HMOX1: variants seen among roughly 807,000 people sequenced by gnomAD.
HMOX1 encodes heme oxygenase 1.
Under a neutral mutation model 27.8 loss-of-function variants are expected in HMOX1, and 22 were observed. The observed-to-expected ratio is 0.79, with a 90% confidence interval of 0.57 to 1.13. HMOX1 has a LOEUF of 1.13. Among genes scored for constraint, HMOX1 ranks in the 50% most tolerant of loss-of-function variants. HMOX1 has a pLI of 0.00. For missense variants in HMOX1, 379 were observed against 377.7 expected, an observed-to-expected ratio of 1.00 and a Z score of -0.03; for synonymous variants, 153 against 151.6, an observed-to-expected ratio of 1.01 and a Z score of -0.07.
chr22:35,382,610 G>A (rs1445618706), intron 1 of HMOX1, among the ~76,000 whole-genome samples: 25 of 149,234 alleles, frequency 1.7e-4, no homozygotes, highest in Admixed American at 1.5e-3. Context: ...TGATCTGCCC[G>A]CCTCAGCCTC....
intron 4 of HMOX1, chr22:35,390,168 C>G (rs1931677653): frequency 1.7e-6 from 1 of 605,960 alleles, no homozygotes; most frequent in African/African-American, 1.8e-5. Flanking sequence ...TCAAGCAATC[C>G]TCTTGCCTCT....
intron 1 of HMOX1, among the ~76,000 whole-genome samples, chr22:35,381,978 T>C (rs972420348): frequency 2.6e-5 from 4 of 152,166 alleles, no homozygotes; most frequent in African/African-American, 9.7e-5. Flanking sequence ...AGAAAGACTT[T>C]TTCTTTGACT....
intron 2 of HMOX1, 54 bp downstream of exon 2, chr22:35,383,280 A>T: frequency 6.2e-7 from 1 of 1,600,234 alleles, no homozygotes; most frequent in Non-Finnish European, 8.5e-7. Flanking sequence ...GTGTGGGTGG[A>T]CCCAAGGCTC....
intron 4 of HMOX1, among the ~76,000 whole-genome samples, chr22:35,391,028 GC>G (rs1328556425): frequency 6.6e-6 from 1 of 152,118 alleles, no homozygotes; most frequent in Non-Finnish European, 1.5e-5. Flanking sequence ...CTACCTCCTG[GC>G]AGGTTATATT....
intron 1 of HMOX1, among the ~76,000 whole-genome samples, chr22:35,381,775 T>C (rs1204161635): frequency 6.6e-6 from 1 of 151,934 alleles, no homozygotes; most frequent in Non-Finnish European, 1.5e-5. Context: ...TGTTAGTATT[T>C]TTTTTTTTAA....
Position 35,386,792 on chromosome 22 carries a change from C to CCG in HMOX1, c.254_255dup (p.Lys86AlafsTer31), listed in dbSNP as rs1569056068. 1 of 1,614,240 alleles carries CCG rather than the reference C, an allele frequency of 6.2e-7. No homozygotes were observed. On this transcript the variant is annotated frameshift_variant, in exon 3 of 5. Transcript: ENST00000216117. LOFTEE classifies it high-confidence loss of function. ...CTGTCTACTTCCCAGAAGAGCTGCA[C>CCG]CGCAAGGCTGCCCTGGAGCAGGACC...
intron 1 of HMOX1, chr22:35,381,466 A>T (rs993205308): frequency 9.5e-5 from 45 of 474,252 alleles, no homozygotes; most frequent in East Asian, 1.5e-4. Flanking sequence ...GAGGTAGCCA[A>T]TTTTTTTTTT....
Position 35,383,183 on chromosome 22 carries a change from T to A in HMOX1, c.101T>A (p.Met34Lys). 1 of 1,613,758 alleles carries A rather than the reference T, an allele frequency of 6.2e-7. No homozygotes were observed. Among genetic ancestry groups the A allele is most frequent in the Non-Finnish European group, 8.5e-7 (1 of 1,179,790 alleles). The change falls in exon 2 of 5, where the codon ATG becomes AAG. Residue 34 changes from methionine to lysine, a missense_variant. Met to Lys is a moderately conservative substitution (Grantham distance 95). Coordinates refer to ENST00000216117, the MANE Select transcript of HMOX1 (RefSeq NM_002133.3). ...VHTQAENAEFMRNFQKGQVTR... is the reference protein window; with the variant it reads ...VHTQAENAEFKRNFQKGQVTR... ...ACCCAGGCAGAGAATGCTGAGTTCA[T>A]GAGGAACTTTCAGAAGGGCCAGGTG...
At position 35,381,202 on chromosome 22, in the gene HMOX1, C is replaced by A. The variant is rs372733779; in HGVS notation, c.23+6C>A. The A allele has an allele frequency of 1.9e-6, 3 of 1,546,690 alleles. No individual in the cohort carries two copies. The highest frequency in any genetic ancestry group is 1.7e-4 in the Middle Eastern group (1 of 5,984). On this transcript the variant is annotated splice_donor_region_variant and intron_variant, in intron 1 of 4. Transcript: ENST00000216117. ...GAGCGTCCGCAACCCGACAGGCAAG[C>A]GCGGGGCGCGGGACGCGGGACGGGC...
chr22:35,393,604 G>A lies in HMOX1; in HGVS notation c.*6G>A. ...TAGGGCTTTATGCCATGTGAATGCA[G>A]GCATGCTGGCTCCCAGGGCCATGAA... On this transcript the variant is annotated 3_prime_UTR_variant, in exon 5 of 5. Coordinates refer to ENST00000216117, the MANE Select transcript of HMOX1 (RefSeq NM_002133.3). The A allele has an allele frequency of 6.2e-7, 1 of 1,614,126 alleles. No individual in the cohort carries two copies. The highest frequency in any genetic ancestry group is 8.5e-7 in the Non-Finnish European group (1 of 1,179,992).
At chr22:35,384,933 C>T (rs1255618835) in intron 2 of HMOX1, among the ~76,000 whole-genome samples, 2 of 151,606 alleles carry the variant, frequency 1.3e-5, no homozygotes, top group Non-Finnish European at 2.9e-5. Flanking sequence ...GAACCAGGTC[C>T]GTCACACTCA....
intron 4 of HMOX1, among the ~76,000 whole-genome samples, 172 bp from the exon 5 acceptor site, chr22:35,393,296 A>G (rs1353980347): frequency 6.6e-6 from 1 of 152,166 alleles, no homozygotes; most frequent in Admixed American, 6.6e-5. Context: ...CCCGTCTTTG[A>G]AGGTATTCAA....
At chr22:35,389,229 CT>C (rs1491152661) in intron 3 of HMOX1, among the ~76,000 whole-genome samples, 7 of 116,976 alleles carry the variant, frequency 6.0e-5, no homozygotes, top group Admixed American at 7.7e-5. Flanking sequence ...TTCTTTCTTT[CT>C]TTCTTTCTTT....
intron 3 of HMOX1, among the ~76,000 whole-genome samples, chr22:35,389,312 TTTC>T (rs1208732861): frequency 4.0e-5 from 5 of 125,314 alleles, no homozygotes; most frequent in Admixed American, 1.5e-4. Context: ...TCTTTCTTTC[TTTC>T]TTTCTTCTTT....
chr22:35,381,579 G>A (rs77377445), intron 1 of HMOX1, among the ~76,000 whole-genome samples: 2,583 of 152,070 alleles, frequency 0.017, 73 homozygotes, highest in African/African-American at 0.058. Flanking sequence ...GGTGGCATCT[G>A]TCCCTCACTA....
At chr22:35,382,871 T>C (rs1011950316) in intron 1 of HMOX1, among the ~76,000 whole-genome samples, 1 of 152,108 alleles carries the variant, frequency 6.6e-6, no homozygotes, top group South Asian at 2.1e-4. Flanking sequence ...TTTGCCAGGC[T>C]GGTCTCGAAC....
At chr22:35,384,354 G>A (rs1239520516) in intron 2 of HMOX1, among the ~76,000 whole-genome samples, 1 of 151,936 alleles carries the variant, frequency 6.6e-6, no homozygotes, top group Admixed American at 6.6e-5. Context: ...AAAGTGCTGG[G>A]ATTAGAGGTG....
rs1456095967 is a variant in HMOX1, at chr22:35,389,424, CTTTCTATCTTTCTTTCTTTCTTTCT to C, written c.637-434_637-410del. On this transcript the variant is annotated intron_variant, in intron 3 of 4. Coordinates refer to ENST00000216117, the MANE Select transcript of HMOX1 (RefSeq NM_002133.3). ...TCTTTCTTTCTTTCTTTCTTTCTTT[CTTTCTATCTTTCTTTCTTTCTTTCT>C]TTTCTTTCTTTCTTGCAGAGTCTCG... Among the ~76,000 whole-genome samples, 347 of 77,178 alleles carry C rather than the reference CTTTCTATCTTTCTTTCTTTCTTTCT, an allele frequency of 4.5e-3. 11 individuals are homozygous for C. The highest frequency in any genetic ancestry group is 5.9e-3 in the Non-Finnish European group (227 of 38,766). The allele number at this position is 77,178 out of a possible 152,430, so 50.6% of individuals were successfully genotyped here. A position where few individuals can be genotyped will look rare whatever the true frequency, so the allele number is the denominator to read the frequency against.
intron 1 of HMOX1, 39 bp from the exon 2 acceptor site, chr22:35,383,067 C>T: frequency 6.2e-7 from 1 of 1,610,946 alleles, no homozygotes; most frequent in Non-Finnish European, 8.5e-7. Context: ...ACCCCACCCC[C>T]AGCCAGCTTT....
Sources: gnomAD v4.1 joint callset for allele counts (sites outside exome capture counted in the v4.1 genomes callset) on GRCh38, gnomAD v4.1.1 for gene constraint, MANE v1.5 for transcripts, NCBI Gene and HGNC (gene_info 2026-07-23, HGNC 2026-07-21) for gene names.